The following VAV3 variants were observed in gnomAD, a reference collection of about 807,000 sequenced individuals.
VAV3 encodes guanine nucleotide exchange factor VAV3.
Under a neutral mutation model 131.2 loss-of-function variants are expected in VAV3, and 94 were observed. That is an observed-to-expected ratio of 0.72 (90% confidence interval 0.61 to 0.85). VAV3 has a LOEUF of 0.85. Among genes scored for constraint, VAV3 ranks in the 40% least tolerant of loss-of-function variants. The pLI is 0.00. For synonymous variants in VAV3, 349 were observed against 342.0 expected (o/e 1.02, Z -0.22); for missense variants, 939 against 1,002.7 (o/e 0.94, Z 0.86).
chr1:107,630,546 C>T (rs1269061590), intron 20 of VAV3, among the ~76,000 whole-genome samples: 1 of 152,166 alleles, frequency 6.6e-6, no homozygotes, highest in African/African-American at 2.4e-5. Flanking sequence ...CAGTAACACT[C>T]AGCAAAATAA....
chr1:107,816,627 T>C lies in VAV3; in HGVS notation c.322-37135A>G, dbSNP rs538478116. 5.3e-5 allele frequency among the ~76,000 whole-genome samples: 8 copies of C among 152,254 alleles called. No individual in the cohort carries two copies. In the South Asian group the frequency reaches 1.2e-3, roughly 24 times the overall value. On this transcript the variant is annotated intron_variant, in intron 2 of 26. Transcript: ENST00000370056. Reference sequence around the variant, plus strand: ...GGTATTTAGGCTTAATGCTTGTCTCTTGACTCATTTATTTTTGCTAGGAGT... The same window carrying C: ...GGTATTTAGGCTTAATGCTTGTCTCCTGACTCATTTATTTTTGCTAGGAGT...
chr1:107,848,371 T>C (rs558204289), intron 2 of VAV3, among the ~76,000 whole-genome samples: 1 of 150,912 alleles, frequency 6.6e-6, no homozygotes, highest in Admixed American at 6.6e-5. Flanking sequence ...AAAAAGCTTG[T>C]CCATCACGAT....
At chr1:107,709,116 T>C (rs896314141) in intron 15 of VAV3, among the ~76,000 whole-genome samples, 1 of 152,128 alleles carries the variant, frequency 6.6e-6, no homozygotes, top group Admixed American at 6.6e-5. Flanking sequence ...TTATGTAACA[T>C]CTGATGCCGA....
At chr1:107,624,901 C>G (rs566622613) in intron 20 of VAV3, among the ~76,000 whole-genome samples, 155 of 152,278 alleles carry the variant, frequency 1.0e-3, no homozygotes, top group Non-Finnish European at 1.9e-3. Flanking sequence ...ATGCCATTTC[C>G]TTAATTCACT....
At chr1:107,955,922 G>A (rs766482626) in intron 1 of VAV3, among the ~76,000 whole-genome samples, 3 of 152,146 alleles carry the variant, frequency 2.0e-5, no homozygotes, top group Admixed American at 6.5e-5. Context: ...ATCCTTAGTC[G>A]CTCTCCATCA....
intron 15 of VAV3, among the ~76,000 whole-genome samples, chr1:107,733,476 G>A (rs1023853832): frequency 1.3e-5 from 2 of 152,154 alleles, no homozygotes; most frequent in South Asian, 2.1e-4. Flanking sequence ...TCATCTCAAC[G>A]AAGCTAAAAA....
chr1:107,923,491 T>TA (rs982515229), intron 1 of VAV3, among the ~76,000 whole-genome samples: 24 of 151,120 alleles, frequency 1.6e-4, no homozygotes, highest in African/African-American at 1.5e-4. Context: ...ACACTGCTAT[T>TA]AAAAAAAAAT....
At chr1:107,751,684 C>T (rs561580697) in intron 12 of VAV3, among the ~76,000 whole-genome samples, 5 of 151,966 alleles carry the variant, frequency 3.3e-5, no homozygotes, top group African/African-American at 7.2e-5. Context: ...CGGGGGGGCG[C>T]GCGCTAATTT....
intron 25 of VAV3, 26 bp downstream of exon 25, chr1:107,596,159 GTGCCCCTAATTTTTAAGTGACAGCAAA>G: frequency 6.3e-7 from 1 of 1,592,034 alleles, no homozygotes; most frequent in Non-Finnish European, 8.6e-7. Context: ...TAATGTTATT[GTGCCCCTAATTTTTAAGTGACAGCAAA>G]TTGTATTCTC....
intron 2 of VAV3, among the ~76,000 whole-genome samples, chr1:107,814,437 T>C (rs1667478653): frequency 6.6e-6 from 1 of 152,128 alleles, no homozygotes; most frequent in Non-Finnish European, 1.5e-5. Flanking sequence ...TGTTGGCCAT[T>C]TGTGTCTTCC....
chr1:107,697,481 T>C (rs1358871201), intron 17 of VAV3, among the ~76,000 whole-genome samples: 1 of 152,170 alleles, frequency 6.6e-6, no homozygotes, highest in Non-Finnish European at 1.5e-5. Context: ...GAGAGTATGT[T>C]ACAAACTCCA....
At chr1:107,676,314 T>A (rs1658206875) in intron 19 of VAV3, among the ~76,000 whole-genome samples, 1 of 152,186 alleles carries the variant, frequency 6.6e-6, no homozygotes, top group Non-Finnish European at 1.5e-5. Context: ...GCTAGGCCAA[T>A]TAAAGCTCTC....
At chr1:107,894,382 A>G (rs938012418) in intron 1 of VAV3, among the ~76,000 whole-genome samples, 1 of 152,192 alleles carries the variant, frequency 6.6e-6, no homozygotes, top group Non-Finnish European at 1.5e-5. Context: ...ATTAAGTAAA[A>G]TGTCTTCCTA....
At chr1:107,720,719 G>C (rs946137626) in intron 15 of VAV3, among the ~76,000 whole-genome samples, 3 of 152,188 alleles carry the variant, frequency 2.0e-5, no homozygotes, top group Non-Finnish European at 2.9e-5. Flanking sequence ...TCTAGGCCCA[G>C]TGGGACTTAC....
chr1:107,612,946 C>T (rs572532274), intron 21 of VAV3, among the ~76,000 whole-genome samples: 1 of 152,220 alleles, frequency 6.6e-6, no homozygotes, highest in South Asian at 2.1e-4. Context: ...AGAAACTCAT[C>T]CTAGTGCCAT....
Position 107,936,362 on chromosome 1 carries a change from A to G in VAV3, c.204+28304T>C, listed in dbSNP as rs1324082453. ...TAGTTGTGCATAGTGTTAGAATTAC[A>G]ATATAACTAGATTAGAACCAAAAAG... On this transcript the variant is annotated intron_variant, in intron 1 of 26. Coordinates refer to ENST00000370056, the MANE Select transcript of VAV3 (RefSeq NM_006113.5). Among the ~76,000 whole-genome samples, 3 of 152,194 alleles carry G rather than the reference A, an allele frequency of 2.0e-5. 1 individual carries two copies.
At chr1:107,762,825 C>T (rs571331817) in intron 9 of VAV3, among the ~76,000 whole-genome samples, 4 of 152,258 alleles carry the variant, frequency 2.6e-5, no homozygotes, top group South Asian at 2.1e-4. Flanking sequence ...ATGTAAAATG[C>T]TTATTCGTGT....
rs889029854 is a variant in VAV3, at chr1:107,571,317, A to G, written c.*2014T>C. 1 of 152,650 alleles carries G rather than the reference A, an allele frequency of 6.6e-6. No homozygotes were observed. Among genetic ancestry groups the G allele is most frequent in the African/African-American group, 2.4e-5 (1 of 41,458 alleles). 9.5% of individuals were successfully genotyped at this position (152,650 alleles called of 1,614,324 possible). ...TCTTTGGTATTAGAACTCTACACAA[A>G]TCTGCAGCATTTAAATTTTCCAAAA... On this transcript the variant is annotated 3_prime_UTR_variant, in exon 27 of 27. Coordinates refer to ENST00000370056, the MANE Select transcript of VAV3 (RefSeq NM_006113.5).
chr1:107,764,874 G>A (rs1410791946), intron 9 of VAV3, among the ~76,000 whole-genome samples: 2 of 152,040 alleles, frequency 1.3e-5, no homozygotes, highest in Non-Finnish European at 2.9e-5. Flanking sequence ...GTAAAACACA[G>A]GGCCATAAAT....
Sources: allele counts gnomAD v4.1 joint callset (sites outside exome capture counted in the v4.1 genomes callset), GRCh38; gene constraint gnomAD v4.1.1; transcripts MANE v1.5; gene names NCBI Gene and HGNC (gene_info 2026-07-23, HGNC 2026-07-21).